Variants in KCNH1 observed in about 807,000 individuals in gnomAD.
The protein encoded by KCNH1 is voltage-gated delayed rectifier potassium channel KCNH1.
Under a neutral mutation model 69.2 loss-of-function variants are expected in KCNH1, and 27 were observed. The observed-to-expected ratio is 0.39, with a 90% CI of 0.29 to 0.54. The LOEUF is 0.54. KCNH1 is among the 20% of genes least tolerant of loss of function. The probability of loss-of-function intolerance (pLI) is 0.68; values close to 1 mark genes in which losing one functional copy is unlikely to be tolerated. For synonymous variants in KCNH1, 456 were observed against 487.7 expected (o/e 0.93, Z 0.86); for missense variants, 798 against 1,261.6 (o/e 0.63, Z 5.57).
At chr1:210,792,470 G>A (rs1684229211) in intron 9 of KCNH1, among the ~76,000 whole-genome samples, 1 of 152,122 alleles carries the variant, frequency 6.6e-6, no homozygotes, top group Non-Finnish European at 1.5e-5. Context: ...AAATCAAAGA[G>A]TCTGGGGCTC....
At chr1:210,808,919 A>G (rs1684641417) in intron 7 of KCNH1, among the ~76,000 whole-genome samples, 1 of 151,742 alleles carries the variant, frequency 6.6e-6, no homozygotes, top group Admixed American at 6.6e-5. Flanking sequence ...GCAAGAACGA[A>G]CCTCCCAGTG....
intron 7 of KCNH1, among the ~76,000 whole-genome samples, chr1:210,854,718 T>C (rs867794948): frequency 2.0e-5 from 3 of 152,312 alleles, no homozygotes; most frequent in Middle Eastern, 6.8e-3. Context: ...AGACTCCAGG[T>C]GTCTGTTGAT....
intron 9 of KCNH1, among the ~76,000 whole-genome samples, chr1:210,789,466 T>G (rs938971695): frequency 6.6e-6 from 1 of 152,170 alleles, no homozygotes; most frequent in African/African-American, 2.4e-5. Flanking sequence ...AAATGCCACT[T>G]TTTTTCTGAT....
intron 7 of KCNH1, among the ~76,000 whole-genome samples, chr1:210,874,272 T>C (rs1407246063): frequency 6.6e-6 from 1 of 152,198 alleles, no homozygotes; most frequent in Non-Finnish European, 1.5e-5. Flanking sequence ...AATTAAACAG[T>C]GCTGAAGAAG....
intron 6 of KCNH1, among the ~76,000 whole-genome samples, chr1:210,923,273 T>C (rs1313619764): frequency 6.6e-6 from 1 of 152,152 alleles, no homozygotes; most frequent in South Asian, 2.1e-4. Context: ...TTCCTCTGAG[T>C]TCAGCAATGT....
At chr1:210,816,271 C>A (rs1186094941) in intron 7 of KCNH1, among the ~76,000 whole-genome samples, 1 of 152,166 alleles carries the variant, frequency 6.6e-6, no homozygotes, top group Non-Finnish European at 1.5e-5. Flanking sequence ...CAAACTCGGC[C>A]GTGTTGGTGA....
At chr1:210,702,381 T>C (rs1681802684) in intron 10 of KCNH1, among the ~76,000 whole-genome samples, 1 of 152,224 alleles carries the variant, frequency 6.6e-6, no homozygotes, top group South Asian at 2.1e-4. Context: ...GTTTTAATTT[T>C]ATTACCTTCC....
At chr1:210,724,691 G>C (rs1237705437) in intron 10 of KCNH1, among the ~76,000 whole-genome samples, 2 of 152,084 alleles carry the variant, frequency 1.3e-5, no homozygotes, top group African/African-American at 4.8e-5. Flanking sequence ...TGTGCTTGAG[G>C]GTTCAGTTGT....
intron 6 of KCNH1, among the ~76,000 whole-genome samples, chr1:210,978,652 T>C (rs1055950325): frequency 6.6e-6 from 1 of 152,232 alleles, no homozygotes; most frequent in African/African-American, 2.4e-5. Context: ...TCAGTGTGTG[T>C]GGTTATGATA....
chr1:211,095,708 T>A (rs2102477263), intron 3 of KCNH1, among the ~76,000 whole-genome samples: 1 of 152,292 alleles, frequency 6.6e-6, no homozygotes, highest in East Asian at 1.9e-4. Flanking sequence ...TTGGGAAGGG[T>A]TGACCTCTAA....
At position 211,082,625 on chromosome 1, in the gene KCNH1, A is replaced by C. The variant is rs535609679; in HGVS notation, c.558+155T>G. On this transcript the variant is annotated intron_variant, in intron 5 of 10. Transcript: ENST00000271751. ...CTCAAAGGAGTTAGGTCACTTACCC[A>C]GTATCATACACTGTGGTGTGTAAGC... 9.8e-5 allele frequency among the ~76,000 whole-genome samples: 15 copies of C among 152,342 alleles called. No individual in the cohort carries two copies. The South Asian group carries it at 2.3e-3, about 23-fold the overall frequency.
chr1:211,007,380 A>G (rs1240553308), intron 6 of KCNH1, among the ~76,000 whole-genome samples: 1 of 152,228 alleles, frequency 6.6e-6, no homozygotes, highest in Non-Finnish European at 1.5e-5. Context: ...AGCTTCACGA[A>G]CAACAAGCAA....
intron 5 of KCNH1, among the ~76,000 whole-genome samples, chr1:211,040,835 A>T (rs1390342490): frequency 6.6e-6 from 1 of 152,168 alleles, no homozygotes; most frequent in Admixed American, 6.5e-5. Flanking sequence ...TCACATATCT[A>T]CAAATCAGCC....
chr1:210,689,967 C>T (rs547878283), intron 10 of KCNH1, among the ~76,000 whole-genome samples: 1 of 152,308 alleles, frequency 6.6e-6, no homozygotes, highest in African/African-American at 2.4e-5. Context: ...CTCTGCTGTC[C>T]CCTGTGCATG....
At chr1:211,058,111 C>G (rs980506471) in intron 5 of KCNH1, among the ~76,000 whole-genome samples, 1 of 152,080 alleles carries the variant, frequency 6.6e-6, no homozygotes, top group African/African-American at 2.4e-5. Context: ...GTATATCCAA[C>G]AAAAATATTC....
At chr1:210,901,474 G>A (rs1399188158) in intron 7 of KCNH1, among the ~76,000 whole-genome samples, 4 of 152,216 alleles carry the variant, frequency 2.6e-5, no homozygotes, top group African/African-American at 7.2e-5. Context: ...GGTGTGGGCA[G>A]AGCGGAACAC....
chr1:210,990,266 T>A (rs1032678322), intron 6 of KCNH1, among the ~76,000 whole-genome samples: 2 of 152,192 alleles, frequency 1.3e-5, no homozygotes, highest in African/African-American at 4.8e-5. Context: ...GAGGGTATAA[T>A]GGCTAAGCTG....
At chr1:210,711,885 GGTTAGTT>G (rs1056199823) in intron 10 of KCNH1, among the ~76,000 whole-genome samples, 3 of 152,172 alleles carry the variant, frequency 2.0e-5, no homozygotes, top group Middle Eastern at 3.2e-3. Flanking sequence ...CTCAGAGGCT[GGTTAGTT>G]TCTCTGGAGG....
At chr1:210,996,306 G>A (rs543049322) in intron 6 of KCNH1, among the ~76,000 whole-genome samples, 6 of 152,184 alleles carry the variant, frequency 3.9e-5, no homozygotes, top group Non-Finnish European at 7.3e-5. Context: ...TTTTCCAACG[G>A]GCTTAAAAAA....
Sources: gnomAD v4.1 joint callset for allele counts (sites outside exome capture counted in the v4.1 genomes callset) on GRCh38, gnomAD v4.1.1 for gene constraint, MANE v1.5 for transcripts, NCBI Gene and HGNC (gene_info 2026-07-23, HGNC 2026-07-21) for gene names.